Variants in RUFY2 observed in about 807,000 individuals in gnomAD.
RUFY2 encodes the protein RUN and FYVE domain containing 2, also known as RUN and FYVE domain-containing protein 2.
RUFY2 carries 49 observed loss-of-function variants against 94.4 expected under a neutral mutation model. The observed-to-expected ratio is 0.52, with a 90% CI of 0.41 to 0.66. The LOEUF is 0.66. RUFY2 is among the 30% of genes least tolerant of loss of function. The pLI, the probability that RUFY2 is intolerant of heterozygous loss-of-function variation, is 0.00. For missense variants in RUFY2, 541 were observed against 692.8 expected (o/e 0.78, Z 2.46); for synonymous variants, 255 against 235.7 (o/e 1.08, Z -0.75).
intron 7 of RUFY2, among the ~76,000 whole-genome samples, chr10:68,386,841 T>C (rs1057394879): frequency 6.6e-6 from 1 of 152,180 alleles, no homozygotes; most frequent in Non-Finnish European, 1.5e-5. Context: ...AGCTCCATTT[T>C]GATTCCCCTC....
chr10:68,361,108 G>A (rs559349240), intron 15 of RUFY2, among the ~76,000 whole-genome samples: 11 of 151,792 alleles, frequency 7.2e-5, no homozygotes, highest in South Asian at 4.2e-4. Context: ...ATGGTAAAAC[G>A]CTGTCTCTAC....
At chr10:68,380,722 C>T (rs894988368) in intron 11 of RUFY2, among the ~76,000 whole-genome samples, 1 of 151,806 alleles carries the variant, frequency 6.6e-6, no homozygotes, top group Admixed American at 6.6e-5. Flanking sequence ...ATTAGCCGGG[C>T]GTATTGGTAT....
chr10:68,388,727 T>C (rs1171693468), intron 7 of RUFY2, among the ~76,000 whole-genome samples: 1 of 151,340 alleles, frequency 6.6e-6, no homozygotes, highest in Non-Finnish European at 1.5e-5. Flanking sequence ...TCCCAGCTAC[T>C]TGGTAGGCTG....
At position 68,346,183 on chromosome 10, in the gene RUFY2, G is replaced by C. The variant is rs981616011; in HGVS notation, c.1600-99C>G. 1.2e-5 allele frequency: 10 copies of C among 825,168 alleles called. No individual in the cohort carries two copies. In the African/African-American group the frequency reaches 1.7e-4, roughly 14 times the overall value. The allele number at this position is 825,168 out of a possible 1,614,324, so 51.1% of individuals were successfully genotyped here. ...ACATTATTTATAGGAATAGATATAT[G>C]AAGAATGGAAAATAAGTTATTTTCT... On this transcript the variant is annotated intron_variant, in intron 16 of 17. Transcript: ENST00000602465.
intron 11 of RUFY2, among the ~76,000 whole-genome samples, chr10:68,380,714 T>G (rs1283710506): frequency 1.3e-5 from 2 of 151,908 alleles, no homozygotes; most frequent in African/African-American, 4.8e-5. Flanking sequence ...ATACAAAAAT[T>G]AGCCGGGCGT....
chr10:68,383,852 A>T lies in RUFY2; in HGVS notation c.885T>A (p.Asp295Glu). 1 of 1,613,996 alleles carries T rather than the reference A, an allele frequency of 6.2e-7. No individual in the cohort carries two copies. The highest frequency in any genetic ancestry group is 8.5e-7 in the Non-Finnish European group (1 of 1,179,984). ...GCCTTCTGGCTTCATTGTACATTTC[A>T]TCTAGCCCCTGACGAGAATGCTTAT... ...QTYKHSRQGL[D>E]EMYNEARRQL... The change falls in exon 10 of 18, where the codon GAT becomes GAA. Residue 295 changes from aspartate to glutamate, a missense_variant. Asp to Glu is a conservative substitution (Grantham distance 45). Coordinates refer to ENST00000602465, the MANE Select transcript of RUFY2 (RefSeq NM_001330103.2).
In RUFY2 at chr10:68,407,236, C is replaced by T; in HGVS notation, c.-47G>A. ...TCGGGCGGAGGCTCCCTCGGCCTGT[C>T]CAGCAGCTCCTTCCAGGCGCTCGGC... On this transcript the variant is annotated 5_prime_UTR_variant, in exon 1 of 18. Transcript: ENST00000602465. The T allele has an allele frequency of 7.5e-7, 1 of 1,325,462 alleles. No individual in the cohort carries two copies. The highest frequency in any genetic ancestry group is 1.5e-5 in the African/African-American group (1 of 64,708). 82.1% of individuals were successfully genotyped at this position (1,325,462 alleles called of 1,614,324 possible). A position where few individuals can be genotyped will look rare whatever the true frequency, so the allele number is the denominator to read the frequency against.
At chr10:68,366,811 A>AATAT (rs10677701) in intron 13 of RUFY2, among the ~76,000 whole-genome samples, 13,896 of 135,918 alleles carry the variant, frequency 0.1, 910 homozygotes, top group South Asian at 0.23. Flanking sequence ...TATATAATAT[A>AATAT]ATGTTATATG....
chr10:68,341,711 A>G, downstream of RUFY2: 2 of 1,582,358 alleles, frequency 1.3e-6, no homozygotes, highest in Non-Finnish European at 1.7e-6. Flanking sequence ...ATGCAGGGTT[A>G]GCTGCTTATC....
At chr10:68,405,487 G>A in intron 1 of RUFY2, 1 of 970,218 alleles carries the variant, frequency 1.0e-6, no homozygotes, top group South Asian at 4.8e-5. Flanking sequence ...CTTCTATGGA[G>A]ATAAATTTGG....
chr10:68,376,988 T>A lies in RUFY2; in HGVS notation c.1206-16A>T. 1 of 1,612,942 alleles carries A rather than the reference T, an allele frequency of 6.2e-7. No individual in the cohort carries two copies. Among genetic ancestry groups the A allele is most frequent in the Non-Finnish European group, 8.5e-7 (1 of 1,179,836 alleles). ...TTGCTGCAATCTGGTGTAATTCAAATCAACTTTGGGTAAAACTGAGGCTAG... is the reference window on the plus strand; with the variant it reads ...TTGCTGCAATCTGGTGTAATTCAAAACAACTTTGGGTAAAACTGAGGCTAG... On this transcript the variant is annotated splice_polypyrimidine_tract_variant and intron_variant, in intron 12 of 17. Coordinates refer to ENST00000602465, the MANE Select transcript of RUFY2 (RefSeq NM_001330103.2).
At chr10:68,349,560 ACAGAGTCTCG>A in intron 16 of RUFY2, among the ~76,000 whole-genome samples, 1 of 151,920 alleles carries the variant, frequency 6.6e-6, no homozygotes, top group Non-Finnish European at 1.5e-5. Context: ...TTTTTTTGAG[ACAGAGTCTCG>A]CTCTGTCACC....
intron 7 of RUFY2, among the ~76,000 whole-genome samples, chr10:68,389,030 C>G (rs2049769854): frequency 6.6e-6 from 1 of 151,666 alleles, no homozygotes; most frequent in Non-Finnish European, 1.5e-5. Flanking sequence ...GCAGCTGAGA[C>G]TACAGACACA....
At chr10:68,375,854 C>T (rs1037910828) in intron 13 of RUFY2, among the ~76,000 whole-genome samples, 22 of 151,578 alleles carry the variant, frequency 1.5e-4, no homozygotes, top group African/African-American at 5.3e-4. Context: ...TCCTAGCACT[C>T]TGGGAGGCCA....
intron 3 of RUFY2, among the ~76,000 whole-genome samples, chr10:68,400,640 C>T (rs1349140512): frequency 6.6e-6 from 1 of 151,042 alleles, no homozygotes; most frequent in Non-Finnish European, 1.5e-5. Context: ...CGCACCACTA[C>T]ACTCCAGCCT....
intron 15 of RUFY2, among the ~76,000 whole-genome samples, chr10:68,358,952 T>A (rs1589803438): frequency 6.6e-6 from 1 of 152,190 alleles, no homozygotes; most frequent in African/African-American, 2.4e-5. Context: ...TTACTGGTAT[T>A]GATAGATTTT....
intron 11 of RUFY2, 26 bp downstream of exon 11, chr10:68,381,206 A>T: frequency 1.3e-6 from 2 of 1,539,870 alleles, no homozygotes; most frequent in Non-Finnish European, 1.8e-6. Context: ...AATTTACATA[A>T]AATGAAATTT....
intron 8 of RUFY2, among the ~76,000 whole-genome samples, chr10:68,385,705 C>T (rs574372671): frequency 2.0e-4 from 30 of 151,994 alleles, no homozygotes; most frequent in African/African-American, 3.1e-4. Flanking sequence ...CTGCACTTAA[C>T]GAGCATTTCT....
chr10:68,345,934 G>A (rs1485361132), intron 17 of RUFY2, 23 bp from the exon 18 acceptor site: 8 of 1,609,996 alleles, frequency 5.0e-6, no homozygotes, highest in Non-Finnish European at 5.9e-6. Context: ...AAAATCAGAG[G>A]GAAAAAAACA....
Sources: allele counts gnomAD v4.1 joint callset (sites outside exome capture counted in the v4.1 genomes callset), GRCh38; gene constraint gnomAD v4.1.1; transcripts MANE v1.5; gene names NCBI Gene and HGNC (gene_info 2026-07-23, HGNC 2026-07-21).